The following ARHGAP10 variants were observed in gnomAD, a reference collection of about 807,000 sequenced individuals.
ARHGAP10 encodes rho GTPase-activating protein 10.
A neutral mutation model predicts 108.6 loss-of-function variants in ARHGAP10; 87 were observed. That is an observed-to-expected ratio of 0.80 (90% CI 0.67 to 0.96). The LOEUF (loss-of-function observed/expected upper bound fraction) is 0.96, where lower values mean the gene tolerates loss of function less well. Among genes scored for constraint, ARHGAP10 ranks in the 40% least tolerant of loss-of-function variants. The pLI is 0.00. For synonymous variants in ARHGAP10, 347 were observed against 341.1 expected (o/e 1.02, Z -0.19); for missense variants, 939 against 954.5 (o/e 0.98, Z 0.21).
intron 20 of ARHGAP10, among the ~76,000 whole-genome samples, chr4:148,050,222 A>G (rs1247989446): frequency 6.6e-6 from 1 of 151,980 alleles, no homozygotes; most frequent in Non-Finnish European, 1.5e-5. Flanking sequence ...TTTTTGTGAT[A>G]TTGATGTAAT....
intron 19 of ARHGAP10, among the ~76,000 whole-genome samples, chr4:148,024,225 T>TG (rs1262712151): frequency 3.3e-5 from 5 of 152,244 alleles, no homozygotes; most frequent in African/African-American, 1.2e-4. Flanking sequence ...TGACTCGTGT[T>TG]GTGAGGCCTT....
At chr4:147,972,661 G>A (rs771380354) in intron 18 of ARHGAP10, among the ~76,000 whole-genome samples, 6 of 152,194 alleles carry the variant, frequency 3.9e-5, no homozygotes, top group Non-Finnish European at 7.3e-5. Flanking sequence ...TGTCAAGGAT[G>A]CCAGATACGT....
intron 5 of ARHGAP10, chr4:147,863,963 T>G (rs1734434671): frequency 6.6e-6 from 1 of 152,250 alleles, no homozygotes; most frequent in Non-Finnish European, 1.5e-5. Context: ...CATCTCCTTG[T>G]GAGTTTGATT....
chr4:147,966,043 AT>A (rs1739189629), intron 17 of ARHGAP10, among the ~76,000 whole-genome samples: 1 of 152,246 alleles, frequency 6.6e-6, no homozygotes, highest in Admixed American at 6.5e-5. Flanking sequence ...TGTCTATGTG[AT>A]TCACTGCACA....
intron 1 of ARHGAP10, among the ~76,000 whole-genome samples, chr4:147,798,771 CTCTCTCTCTCTATATATA>C (rs1731446302): frequency 6.0e-4 from 3 of 5,012 alleles, no homozygotes; most frequent in African/African-American, 7.3e-4. Context: ...CTCTCTCTCT[CTCTCTCTCTCTATATATA>C]TATATATATA....
rs78442989 is a variant in ARHGAP10 at position 148,014,998 on chromosome 4, C to G, written c.1717-8265C>G. Among the ~76,000 whole-genome samples the G allele has an allele frequency of 8.4e-3, 1,278 of 152,234 alleles. 14 individuals carry two copies. Among genetic ancestry groups the G allele is most frequent in the Middle Eastern group, 0.02 (6 of 294 alleles). On this transcript the variant is annotated intron_variant, in intron 18 of 22. Transcript: ENST00000336498. ...GCTTATGCTGAGTCAGGGCCTGAGC[C>G]TGTGGGATGGGTGACCACTGGCAGG...
intron 16 of ARHGAP10, among the ~76,000 whole-genome samples, chr4:147,958,098 A>T (rs866836580): frequency 6.6e-6 from 1 of 152,210 alleles, no homozygotes; most frequent in African/African-American, 2.4e-5. Flanking sequence ...TATGGGGAAT[A>T]CAAAAGATTG....
intron 1 of ARHGAP10, among the ~76,000 whole-genome samples, chr4:147,768,050 G>C (rs138689488): frequency 4.6e-5 from 7 of 152,334 alleles, no homozygotes; most frequent in African/African-American, 1.7e-4. Flanking sequence ...ACTATTCCGG[G>C]ATGACTTTTA....
chr4:147,834,966 C>A (rs76371736), intron 3 of ARHGAP10, among the ~76,000 whole-genome samples: 2,614 of 152,120 alleles, frequency 0.017, 78 homozygotes, highest in African/African-American at 0.059. Flanking sequence ...CAAAAATGAA[C>A]CATTTGGAGT....
intron 13 of ARHGAP10, among the ~76,000 whole-genome samples, chr4:147,929,804 T>C (rs1421719114): frequency 6.6e-6 from 1 of 152,194 alleles, no homozygotes; most frequent in Admixed American, 6.5e-5. Flanking sequence ...TATATGAAAA[T>C]ATATACATAT....
intron 12 of ARHGAP10, among the ~76,000 whole-genome samples, chr4:147,911,504 A>G (rs559895968): frequency 6.6e-6 from 1 of 152,158 alleles, no homozygotes; most frequent in Non-Finnish European, 1.5e-5. Flanking sequence ...CTGGGACTAC[A>G]GGTGCCCACC....
intron 19 of ARHGAP10, among the ~76,000 whole-genome samples, chr4:148,033,068 A>G (rs956681058): frequency 2.6e-5 from 4 of 152,242 alleles, no homozygotes. Flanking sequence ...CAATAAGCAA[A>G]TATGAATATG....
chr4:147,805,100 G>A (rs934176419), intron 1 of ARHGAP10, among the ~76,000 whole-genome samples: 7 of 152,170 alleles, frequency 4.6e-5, no homozygotes, highest in Admixed American at 1.3e-4. Context: ...AGTTTTTACA[G>A]TGTCAGGTTT....
intron 13 of ARHGAP10, among the ~76,000 whole-genome samples, chr4:147,932,585 C>A (rs961657051): frequency 2.8e-5 from 4 of 141,820 alleles, no homozygotes; most frequent in Non-Finnish European, 4.5e-5. Context: ...TTTTCACTTA[C>A]AAGTGGGAGC....
At chr4:147,963,772 G>A (rs1214490168) in intron 16 of ARHGAP10, among the ~76,000 whole-genome samples, 1 of 152,196 alleles carries the variant, frequency 6.6e-6, no homozygotes, top group East Asian at 1.9e-4. Flanking sequence ...ATCCCTCCTT[G>A]CCACTCACAG....
chr4:147,941,536 C>G (rs149970276), intron 14 of ARHGAP10, among the ~76,000 whole-genome samples: 1 of 152,296 alleles, frequency 6.6e-6, no homozygotes, highest in East Asian at 1.9e-4. Context: ...GAGTGTGACA[C>G]AACCTCACAC....
intron 19 of ARHGAP10, among the ~76,000 whole-genome samples, chr4:148,041,367 G>T (rs1728626418): frequency 6.6e-6 from 1 of 152,206 alleles, no homozygotes; most frequent in Non-Finnish European, 1.5e-5. Flanking sequence ...GTAACTGTTA[G>T]GAAATATATT....
At chr4:148,069,697 G>A (rs1476948739) in intron 22 of ARHGAP10, among the ~76,000 whole-genome samples, 2 of 152,190 alleles carry the variant, frequency 1.3e-5, no homozygotes, top group Non-Finnish European at 2.9e-5. Flanking sequence ...CTAAGTGCTA[G>A]TAACCCCGTA....
chr4:147,997,500 A>G (rs375738649), intron 18 of ARHGAP10, among the ~76,000 whole-genome samples: 2 of 152,260 alleles, frequency 1.3e-5, no homozygotes, highest in African/African-American at 4.8e-5. Flanking sequence ...AAGTTAAAAA[A>G]TGATCGTTGA....
Sources: allele counts gnomAD v4.1 joint callset (sites outside exome capture counted in the v4.1 genomes callset), GRCh38; gene constraint gnomAD v4.1.1; transcripts MANE v1.5; gene names NCBI Gene and HGNC (gene_info 2026-07-23, HGNC 2026-07-21).